Variants in RBPJ observed in about 807,000 individuals in gnomAD.
RBPJ encodes the protein recombining binding protein suppressor of hairless.
In RBPJ, 9 loss-of-function variants were observed where a neutral mutation model predicts 67.8. The ratio of observed to expected loss-of-function variants is 0.13; its 90% CI spans 0.08 to 0.23. The LOEUF is 0.23. RBPJ is among the 10% of genes least tolerant of loss of function. The probability of loss-of-function intolerance (pLI) is 1.00; values close to 1 mark genes in which losing one functional copy is unlikely to be tolerated. For synonymous variants in RBPJ, 198 were observed against 203.3 expected, an observed-to-expected ratio of 0.97 and a Z score of 0.22; for missense variants, 305 against 595.6, an observed-to-expected ratio of 0.51 and a Z score of 5.08.
At position 26,415,552 on chromosome 4, in the gene RBPJ, G is replaced by A; in HGVS notation, c.233G>A (p.Gly78Asp). The change falls in exon 4 of 11, where the codon GGT (glycine) becomes GAT (aspartate). Residue 78 changes from glycine (G) to aspartate (D), a missense_variant. This residue lies in a region of RBPJ where 79 missense variants were observed against 106.2 expected (regional missense o/e 0.74). Transcript: ENST00000355476. ...AAAAAAGAACAAATGGAACGCGATGGTTGTTCTGAACAAGAGTCTCAACCG... is the reference window on the plus strand; with the variant it reads ...AAAAAAGAACAAATGGAACGCGATGATTGTTCTGAACAAGAGTCTCAACCG... ...KKKKEQMERD[G>D]CSEQESQPCA... is the part of the protein sequence containing the mutation. 1.2e-6 allele frequency: 2 copies of A among 1,613,334 alleles called. No homozygotes were observed. Among genetic ancestry groups the A allele is most frequent in the Non-Finnish European group, 1.7e-6 (2 of 1,179,550 alleles).
At chr4:26,342,619 AT>A (rs1330552716) in intron 1 of RBPJ, among the ~76,000 whole-genome samples, 1 of 152,204 alleles carries the variant, frequency 6.6e-6, no homozygotes, top group African/African-American at 2.4e-5. Flanking sequence ...GTCCAGGCAG[AT>A]TATAGATCTG....
chr4:26,326,134 AATTG>A (rs1723606921), intron 1 of RBPJ, among the ~76,000 whole-genome samples: 1 of 152,048 alleles, frequency 6.6e-6, no homozygotes, highest in Non-Finnish European at 1.5e-5. Flanking sequence ...ACAATTTTAA[AATTG>A]TGTGTGTGCT....
intron 1 of RBPJ, among the ~76,000 whole-genome samples, chr4:26,375,981 A>G (rs1729689867): frequency 6.6e-6 from 1 of 152,062 alleles, no homozygotes; most frequent in South Asian, 2.1e-4. Context: ...TTTGACAACT[A>G]CTTGTCTGTT....
intron 7 of RBPJ, among the ~76,000 whole-genome samples, chr4:26,426,320 C>G (rs980452753): frequency 1.3e-5 from 2 of 152,080 alleles, no homozygotes; most frequent in Non-Finnish European, 2.9e-5. Flanking sequence ...AAGACAGACC[C>G]AAATTTAAAA....
chr4:26,396,959 A>G (rs557992110), intron 2 of RBPJ, among the ~76,000 whole-genome samples: 1 of 152,314 alleles, frequency 6.6e-6, no homozygotes, highest in East Asian at 1.9e-4. Flanking sequence ...GACTATTGAT[A>G]GTATCCCTAG....
chr4:26,150,633 G>A, the RBPJ span, among the ~76,000 whole-genome samples: 2 of 152,218 alleles, frequency 1.3e-5, no homozygotes, highest in Admixed American at 6.5e-5. Context: ...ACAGTCTCAT[G>A]AGTTAACACA....
At chr4:26,296,550 T>C (rs932970048) in intron 1 of RBPJ, among the ~76,000 whole-genome samples, 3 of 152,226 alleles carry the variant, frequency 2.0e-5, no homozygotes, top group African/African-American at 7.2e-5. Context: ...TTTAAGGAGG[T>C]TGGCATATAT....
the RBPJ span, among the ~76,000 whole-genome samples, chr4:26,146,268 A>G: frequency 2.6e-5 from 4 of 152,196 alleles, no homozygotes; most frequent in African/African-American, 9.7e-5. Flanking sequence ...ATTTTCAACA[A>G]AAGTGCCAAC....
At chr4:26,217,543 T>G (rs1224219179) in intron 1 of RBPJ, among the ~76,000 whole-genome samples, 6 of 152,152 alleles carry the variant, frequency 3.9e-5, no homozygotes, top group Admixed American at 6.6e-5. Flanking sequence ...TTCTAGAATC[T>G]GAATGCCCAG....
chr4:26,354,234 T>G (rs1727117418), intron 1 of RBPJ, among the ~76,000 whole-genome samples: 1 of 152,000 alleles, frequency 6.6e-6, no homozygotes, highest in African/African-American at 2.4e-5. Flanking sequence ...CCCGGCCATA[T>G]TCTTTAGATC....
At chr4:26,137,034 G>T in the RBPJ span, among the ~76,000 whole-genome samples, 458 of 152,262 alleles carry the variant, frequency 3.0e-3, 1 homozygote, top group African/African-American at 0.011. Flanking sequence ...CACAAATGGG[G>T]GACAAGACAA....
At chr4:26,170,124 C>T (rs985258084) in intron 1 of RBPJ, among the ~76,000 whole-genome samples, 16 of 152,120 alleles carry the variant, frequency 1.1e-4, no homozygotes, top group Admixed American at 2.0e-4. Flanking sequence ...GAGATGAACC[C>T]GGTACCTCAG....
At chr4:26,204,587 A>G (rs1718104044) in intron 1 of RBPJ, among the ~76,000 whole-genome samples, 1 of 152,162 alleles carries the variant, frequency 6.6e-6, no homozygotes, top group Admixed American at 6.5e-5. Flanking sequence ...GCAGAGGGGT[A>G]GCACATTGAG....
chr4:26,110,927 A>G, the RBPJ span, among the ~76,000 whole-genome samples: 72,370 of 152,028 alleles, frequency 0.48, 18,650 homozygotes, highest in African/African-American at 0.63. This position sits in a 1 kb window ranked among gnomAD's most constrained non-coding sequence, Gnocchi z 4.5. Context: ...ACTTATTCCC[A>G]ATATTTTGTT....
intron 1 of RBPJ, among the ~76,000 whole-genome samples, chr4:26,215,262 AG>A (rs1321708928): frequency 1.3e-5 from 1 of 76,608 alleles, no homozygotes; most frequent in Non-Finnish European, 2.4e-5. Flanking sequence ...AAAGAAAGGA[AG>A]GGAGGGAGGA....
upstream of RBPJ, among the ~76,000 whole-genome samples, chr4:26,318,257 G>A (rs1187166669): frequency 6.6e-6 from 1 of 152,048 alleles, no homozygotes; most frequent in East Asian, 1.9e-4. Flanking sequence ...GGGCTGTGAC[G>A]TGAGCAGGAA....
chr4:26,220,938 A>G (rs868000845), intron 1 of RBPJ, among the ~76,000 whole-genome samples: 5 of 152,230 alleles, frequency 3.3e-5, no homozygotes, highest in African/African-American at 9.6e-5. Flanking sequence ...CCTTAATCCT[A>G]TAGCATCTAC....
chr4:26,357,634 G>C lies in RBPJ; in HGVS notation c.21-28719G>C, dbSNP rs188922870. On this transcript the variant is annotated intron_variant, in intron 1 of 10. Coordinates refer to ENST00000355476, the MANE Select transcript of RBPJ (RefSeq NM_015874.6). ...AAATTGTACAGTTTAGTGGTAGTAAGTACATTCACGGTGCTATGCAACTAT... is the reference window on the plus strand; with the variant it reads ...AAATTGTACAGTTTAGTGGTAGTAACTACATTCACGGTGCTATGCAACTAT... Among the ~76,000 whole-genome samples, 224 of 152,262 alleles carry C rather than the reference G, an allele frequency of 1.5e-3. 2 individuals are homozygous for C. The highest frequency in any genetic ancestry group is 2.8e-3 in the Admixed American group (43 of 15,296).
At chr4:26,244,900 C>G (rs1253697784) in intron 1 of RBPJ, among the ~76,000 whole-genome samples, 1 of 151,900 alleles carries the variant, frequency 6.6e-6, no homozygotes, top group Non-Finnish European at 1.5e-5. Flanking sequence ...TCGCAAAGTG[C>G]TAGGATTACA....
Sources: allele counts gnomAD v4.1 joint callset (sites outside exome capture counted in the v4.1 genomes callset), GRCh38; gene constraint gnomAD v4.1.1; regional missense constraint gnomAD v4.1.1; non-coding constraint Gnocchi (gnomAD v3.1); transcripts MANE v1.5; gene names NCBI Gene and HGNC (gene_info 2026-07-23, HGNC 2026-07-21).